Variants in EVI5 observed in about 807,000 individuals in gnomAD.
EVI5 encodes ecotropic viral integration site 5.
In EVI5, 73 loss-of-function variants were observed where a neutral mutation model predicts 112.0. The observed-to-expected ratio is 0.65, with a 90% CI of 0.54 to 0.79. The LOEUF (loss-of-function observed/expected upper bound fraction) is 0.79, where lower values mean the gene tolerates loss of function less well. EVI5 is among the 30% of genes least tolerant of loss of function. The pLI, the probability that EVI5 is intolerant of heterozygous loss-of-function variation, is 0.00. For missense variants in EVI5, 900 were observed against 968.8 expected (o/e 0.93, Z 0.94); for synonymous variants, 305 against 319.9 (o/e 0.95, Z 0.50).
At chr1:92,605,259 T>G (rs202158992) in intron 18 of EVI5, 48 bp downstream of exon 18, 8 of 1,203,086 alleles carry the variant, frequency 6.6e-6, no homozygotes, top group Non-Finnish European at 9.9e-6. Context: ...ACAAAGAGGA[T>G]AGAAGAAACT....
In EVI5 at chr1:92,508,985, A is replaced by C. The variant is rs1348013542; in HGVS notation, c.*4671T>G. Reference sequence around the variant, plus strand: ...GAATTAAAATTAATTTTTAAAACTTAGTTTTGTTAATAATAGAGCAGCAGT... The same window carrying C: ...GAATTAAAATTAATTTTTAAAACTTCGTTTTGTTAATAATAGAGCAGCAGT... On this transcript the variant is annotated 3_prime_UTR_variant, in exon 20 of 20. Transcript: ENST00000684568. The C allele has an allele frequency of 6.6e-6, 1 of 152,194 alleles. No individual in the cohort carries two copies. The highest frequency in any genetic ancestry group is 1.5e-5 in the Non-Finnish European group (1 of 68,038). The allele number at this position is 152,194 out of a possible 1,614,324, so 9.4% of individuals were successfully genotyped here.
At chr1:92,678,314 T>C (rs1667064058) in intron 9 of EVI5, among the ~76,000 whole-genome samples, 1 of 152,138 alleles carries the variant, frequency 6.6e-6, no homozygotes, top group South Asian at 2.1e-4. Context: ...GCCAAGTGCT[T>C]GAGGCCAGGG....
At chr1:92,603,895 ACT>A (rs1252603773) in intron 18 of EVI5, among the ~76,000 whole-genome samples, 3 of 151,928 alleles carry the variant, frequency 2.0e-5, no homozygotes, top group Non-Finnish European at 4.4e-5. Flanking sequence ...ACCAGGTCCA[ACT>A]AATTTTATTT....
intron 2 of EVI5, among the ~76,000 whole-genome samples, chr1:92,709,021 T>G (rs1379118434): frequency 8.5e-5 from 13 of 152,178 alleles, no homozygotes; most frequent in Non-Finnish European, 1.9e-4. Flanking sequence ...AATTCTAAAA[T>G]TGATTGTGTT....
intron 13 of EVI5, 42 bp downstream of exon 13, chr1:92,662,677 G>A (rs1281025408): frequency 4.4e-6 from 5 of 1,125,036 alleles, no homozygotes; most frequent in African/African-American, 1.7e-5. Context: ...TTGAAAGGAA[G>A]GGGGATGAGA....
chr1:92,738,553 T>C (rs1168562919), intron 1 of EVI5, among the ~76,000 whole-genome samples: 1 of 152,184 alleles, frequency 6.6e-6, no homozygotes, highest in African/African-American at 2.4e-5. Flanking sequence ...ATTTATATCA[T>C]ACCCCTTCTG....
At chr1:92,516,026 G>C (rs1057383821) in intron 19 of EVI5, among the ~76,000 whole-genome samples, 6 of 152,080 alleles carry the variant, frequency 3.9e-5, no homozygotes, top group African/African-American at 1.5e-4. Flanking sequence ...GAATCTTTAG[G>C]AAAAGGGCAT....
chr1:92,583,510 CAAAAAAA>C lies in EVI5; in HGVS notation c.2071-19780_2071-19774del, dbSNP rs71091290. Among the ~76,000 whole-genome samples, 6 of 55,376 alleles carry C rather than the reference CAAAAAAA, an allele frequency of 1.1e-4. No individual in the cohort carries two copies. The Admixed American group carries it at 1.1e-3, about 10-fold the overall frequency. 36.3% of individuals were successfully genotyped at this position (55,376 alleles called of 152,430 possible). A position where few individuals can be genotyped will look rare whatever the true frequency, so the allele number is the denominator to read the frequency against. On this transcript the variant is annotated intron_variant, in intron 18 of 19. Coordinates refer to ENST00000684568, the MANE Select transcript of EVI5 (RefSeq NM_001350197.2). The stretch of plus-strand genomic sequence containing the variant: ...TGGGCGACAGAGTGAGGCTCTGTCT[CAAAAAAA>C]AAAAAAAAAAAAAAAAAAAATTAGA...
intron 19 of EVI5, among the ~76,000 whole-genome samples, chr1:92,533,104 G>A (rs543674119): frequency 1.3e-5 from 2 of 150,746 alleles, no homozygotes; most frequent in East Asian, 2.0e-4. Flanking sequence ...AATGATAAAG[G>A]GGATACCACC....
intron 6 of EVI5, among the ~76,000 whole-genome samples, chr1:92,696,307 A>G (rs1487973794): frequency 3.3e-5 from 5 of 152,180 alleles, no homozygotes; most frequent in African/African-American, 1.2e-4. Context: ...TATTTCAGAA[A>G]AGAATTAATT....
At chr1:92,761,993 G>C (rs907804266) in intron 1 of EVI5, among the ~76,000 whole-genome samples, 3 of 152,054 alleles carry the variant, frequency 2.0e-5, no homozygotes, top group African/African-American at 7.2e-5. Context: ...TATCCAAAAA[G>C]AAGAATTTCA....
chr1:92,668,562 C>T (rs1447208169), intron 10 of EVI5, among the ~76,000 whole-genome samples: 2 of 152,166 alleles, frequency 1.3e-5, no homozygotes, highest in African/African-American at 4.8e-5. Context: ...ACTGAAAACA[C>T]TCATCTGGAT....
At chr1:92,726,158 T>C (rs1051074267) in intron 2 of EVI5, among the ~76,000 whole-genome samples, 3 of 152,172 alleles carry the variant, frequency 2.0e-5, no homozygotes, top group South Asian at 2.1e-4. Context: ...GAAGAAAACA[T>C]TGGCTCCAAA....
chr1:92,560,032 C>T (rs1179400055), intron 19 of EVI5, among the ~76,000 whole-genome samples: 1 of 152,074 alleles, frequency 6.6e-6, no homozygotes, highest in Non-Finnish European at 1.5e-5. Flanking sequence ...ACTGACAATT[C>T]CACATGTTGA....
At chr1:92,666,815 C>G (rs961299473) in intron 10 of EVI5, among the ~76,000 whole-genome samples, 3 of 152,130 alleles carry the variant, frequency 2.0e-5, no homozygotes, top group African/African-American at 7.2e-5. Flanking sequence ...CATTTCTATA[C>G]ATACTTACCA....
intron 1 of EVI5, among the ~76,000 whole-genome samples, chr1:92,774,305 T>C (rs1424311325): frequency 6.6e-6 from 1 of 152,206 alleles, no homozygotes; most frequent in East Asian, 1.9e-4. Context: ...CTCATGTATT[T>C]CATTCAAATA....
At chr1:92,655,887 A>T (rs891067467) in intron 13 of EVI5, among the ~76,000 whole-genome samples, 1 of 152,172 alleles carries the variant, frequency 6.6e-6, no homozygotes. Context: ...TGGAAACAAA[A>T]ATAAATAAAA....
chr1:92,652,354 AGAT>A (rs1406607588), intron 13 of EVI5, among the ~76,000 whole-genome samples: 2 of 152,220 alleles, frequency 1.3e-5, no homozygotes, highest in Non-Finnish European at 2.9e-5. Context: ...AGATGGGAAA[AGAT>A]TATTGTTACT....
In EVI5 at chr1:92,682,944, T is replaced by G. The variant is rs139025408; in HGVS notation, c.1098-5726A>C. Among the ~76,000 whole-genome samples, 868 of 152,294 alleles carry G rather than the reference T, an allele frequency of 5.7e-3. 6 individuals carry two copies. Among genetic ancestry groups the G allele is most frequent in the Non-Finnish European group, 9.5e-3 (648 of 68,020 alleles). The stretch of plus-strand genomic sequence containing the variant: ...TGTTTTATCTCAAGTGTAAATATAG[T>G]TAAAAAGGACATACAGTTGTAATTT... On this transcript the variant is annotated intron_variant, in intron 9 of 19. Transcript: ENST00000684568.
Sources: allele counts gnomAD v4.1 joint callset (sites outside exome capture counted in the v4.1 genomes callset), GRCh38; gene constraint gnomAD v4.1.1; transcripts MANE v1.5; gene names NCBI Gene and HGNC (gene_info 2026-07-23, HGNC 2026-07-21).